ARHGAP6: variants seen among roughly 807,000 people sequenced by gnomAD.
ARHGAP6 encodes Rho GTPase activating protein 6, also known as rho GTPase-activating protein 6.
In ARHGAP6, 16 loss-of-function variants were observed where a neutral mutation model predicts 55.7. That is an observed-to-expected ratio of 0.29 (90% confidence interval 0.19 to 0.44). The LOEUF (loss-of-function observed/expected upper bound fraction) is 0.44, where lower values mean the gene tolerates loss of function less well. Among genes scored for constraint, ARHGAP6 ranks in the 20% least tolerant of loss-of-function variants. The pLI is 1.00. For missense variants in ARHGAP6, 698 were observed against 808.9 expected (o/e 0.86, Z 1.66); for synonymous variants, 382 against 360.9 (o/e 1.06, Z -0.66).
At chrX:11,353,137 T>G (rs1470988839) in intron 1 of ARHGAP6, among the ~76,000 whole-genome samples, 1 of 111,892 alleles carries the variant, frequency 8.9e-6, no homozygotes, top group African/African-American at 3.2e-5. Flanking sequence ...ACAACATCCT[T>G]TGCACTATTG....
At chrX:11,613,236 A>G (rs1345790417) in intron 1 of ARHGAP6, among the ~76,000 whole-genome samples, 4 of 112,374 alleles carry the variant, frequency 3.6e-5, no homozygotes, top group Admixed American at 1.9e-4. Context: ...TTGAGACTGC[A>G]AAGCTGAAGA....
At chrX:11,522,079 A>G (rs1445429071) in intron 1 of ARHGAP6, among the ~76,000 whole-genome samples, 1 of 111,316 alleles carries the variant, frequency 9.0e-6, no homozygotes, top group Non-Finnish European at 1.9e-5. Context: ...GGATTAAGAA[A>G]CTCACTCAAA....
chrX:11,234,239 T>G (rs1207847506), intron 2 of ARHGAP6, among the ~76,000 whole-genome samples: 1 of 112,462 alleles, frequency 8.9e-6, no homozygotes, highest in Non-Finnish European at 1.9e-5. Flanking sequence ...TGTTTCACGA[T>G]AGCTGTGTCC....
intron 2 of ARHGAP6, among the ~76,000 whole-genome samples, chrX:11,239,097 C>T (rs1233297908): frequency 9.0e-6 from 1 of 110,934 alleles, no homozygotes; most frequent in African/African-American, 3.3e-5. Flanking sequence ...GGTTTCTTAG[C>T]TGTGATAAAT....
At chrX:11,149,055 G>T (rs1397605065) in intron 10 of ARHGAP6, among the ~76,000 whole-genome samples, 1 of 111,937 alleles carries the variant, frequency 8.9e-6, no homozygotes, top group Non-Finnish European at 1.9e-5. Context: ...AACTGACATG[G>T]CTCTAAACTC....
rs776676491 is a variant in ARHGAP6 at position 11,604,911 on chromosome X, A to G, written c.588+59330T>C. Among the ~76,000 whole-genome samples, 3 of 111,972 alleles carry G rather than the reference A, an allele frequency of 2.7e-5. No homozygotes were observed. In the South Asian group the frequency reaches 1.1e-3, roughly 42 times the overall value. On this transcript the variant is annotated intron_variant, in intron 1 of 12. Coordinates refer to ENST00000337414, the MANE Select transcript of ARHGAP6 (RefSeq NM_013427.3). ...TGGATTGCCCTTTCAGAGGAAGTGT[A>G]ATCTTTGGACAGCCAGTTCCCTGGG...
At chrX:11,645,704 G>A (rs2052519014) in intron 1 of ARHGAP6, among the ~76,000 whole-genome samples, 1 of 106,750 alleles carries the variant, frequency 9.4e-6, no homozygotes, top group African/African-American at 3.4e-5. Flanking sequence ...TAAGGTTGTT[G>A]AAGACTGCAA....
chrX:11,601,146 C>A (rs769457868), intron 1 of ARHGAP6, among the ~76,000 whole-genome samples: 1 of 111,490 alleles, frequency 9.0e-6, no homozygotes, highest in African/African-American at 3.3e-5. Flanking sequence ...AAAGAGGGTA[C>A]CAGCAAGCAG....
intron 1 of ARHGAP6, among the ~76,000 whole-genome samples, chrX:11,557,201 A>G (rs909589060): frequency 3.6e-5 from 4 of 112,145 alleles, no homozygotes; most frequent in African/African-American, 1.3e-4. Context: ...CATAAATCCT[A>G]TCACCCATGT....
intron 1 of ARHGAP6, among the ~76,000 whole-genome samples, chrX:11,532,838 C>T (rs1341970234): frequency 2.7e-5 from 3 of 111,556 alleles, no homozygotes; most frequent in Non-Finnish European, 5.6e-5. Context: ...TCCCATCTGG[C>T]CATTAACAGA....
At chrX:11,154,431 G>A (rs1335805547) in intron 10 of ARHGAP6, among the ~76,000 whole-genome samples, 5 of 112,337 alleles carry the variant, frequency 4.5e-5, no homozygotes, top group African/African-American at 6.5e-5. Flanking sequence ...AGAAAGGTTC[G>A]CTTTTTACCA....
chrX:11,476,573 A>G (rs750807658), intron 1 of ARHGAP6, among the ~76,000 whole-genome samples: 14 of 111,314 alleles, frequency 1.3e-4, no homozygotes, highest in Non-Finnish European at 2.5e-4. Context: ...TTTACTATAA[A>G]GCTACAAAAA....
At chrX:11,567,352 A>T (rs1464792791) in intron 1 of ARHGAP6, among the ~76,000 whole-genome samples, 3 of 109,260 alleles carry the variant, frequency 2.7e-5, no homozygotes, top group Non-Finnish European at 3.8e-5. Flanking sequence ...ATACTGAGAG[A>T]CAGTACAGAA....
intron 1 of ARHGAP6, among the ~76,000 whole-genome samples, chrX:11,592,125 G>C (rs1211970223): frequency 8.9e-6 from 1 of 112,103 alleles, no homozygotes; most frequent in East Asian, 2.8e-4. Flanking sequence ...AAGAGCCTGA[G>C]AGGGTTAACT....
At chrX:11,539,262 A>T (rs1360964026) in intron 1 of ARHGAP6, among the ~76,000 whole-genome samples, 3 of 112,051 alleles carry the variant, frequency 2.7e-5, no homozygotes, top group Non-Finnish European at 5.6e-5. Context: ...GTCTCCAGAC[A>T]ATGCAATATC....
chrX:11,327,131 T>A (rs1215066659), intron 1 of ARHGAP6, among the ~76,000 whole-genome samples: 1 of 112,268 alleles, frequency 8.9e-6, no homozygotes, highest in Admixed American at 9.4e-5. Flanking sequence ...AAGTTTCCTA[T>A]GTGTTTAATT....
At chrX:11,180,725 C>T (rs1021538431) in intron 6 of ARHGAP6, among the ~76,000 whole-genome samples, 5 of 111,909 alleles carry the variant, frequency 4.5e-5, no homozygotes, top group African/African-American at 1.6e-4. Flanking sequence ...TTCTGGCACT[C>T]GCTACCTGTC....
chrX:11,202,538 T>A (rs1290413187), intron 2 of ARHGAP6, among the ~76,000 whole-genome samples: 1 of 110,956 alleles, frequency 9.0e-6, no homozygotes, highest in East Asian at 2.8e-4. Flanking sequence ...GTGGGCATGG[T>A]GGTTCACACC....
chrX:11,199,735 T>TA (rs1421683382), intron 2 of ARHGAP6, among the ~76,000 whole-genome samples: 1 of 112,441 alleles, frequency 8.9e-6, no homozygotes, highest in East Asian at 2.8e-4. Flanking sequence ...GCTGGCCTAT[T>TA]AAAAAACACT....
Sources: gnomAD v4.1 joint callset for allele counts (sites outside exome capture counted in the v4.1 genomes callset) on GRCh38, gnomAD v4.1.1 for gene constraint, MANE v1.5 for transcripts, NCBI Gene and HGNC (gene_info 2026-07-23, HGNC 2026-07-21) for gene names.